The following KIF18A variants were observed in gnomAD, a reference collection of about 807,000 sequenced individuals.
The protein encoded by KIF18A is kinesin-like protein KIF18A.
In KIF18A, 67 loss-of-function variants were observed where a neutral mutation model predicts 103.3. That is an observed-to-expected ratio of 0.65 (90% CI 0.53 to 0.79). KIF18A has a LOEUF of 0.79. KIF18A is among the 30% of genes least tolerant of loss of function. KIF18A has a pLI of 0.00. For synonymous variants in KIF18A, 367 were observed against 355.5 expected (o/e 1.03, Z -0.36); for missense variants, 1,032 against 1,062.5 (o/e 0.97, Z 0.40).
At chr11:28,083,292 A>G in intron 7 of KIF18A, 49 bp from the exon 8 acceptor site, 1 of 1,498,954 alleles carries the variant, frequency 6.7e-7, no homozygotes, top group Non-Finnish European at 8.9e-7. Context: ...TAATAATCAC[A>G]GAGATAAATA....
intron 10 of KIF18A, among the ~76,000 whole-genome samples, chr11:28,076,092 C>T (rs1422984072): frequency 1.3e-5 from 2 of 151,818 alleles, no homozygotes; most frequent in Non-Finnish European, 2.9e-5. Flanking sequence ...GATAGGAGCT[C>T]TCATTTCTAA....
chr11:28,060,305 CGAG>C (rs1850842025), intron 12 of KIF18A, among the ~76,000 whole-genome samples: 1 of 152,094 alleles, frequency 6.6e-6, no homozygotes, highest in African/African-American at 2.4e-5. Context: ...CTCATAACAT[CGAG>C]GAGAAGAGAA....
chr11:28,044,400 G>A (rs1332004195), intron 13 of KIF18A, among the ~76,000 whole-genome samples: 2 of 152,016 alleles, frequency 1.3e-5, no homozygotes, highest in Non-Finnish European at 2.9e-5. Flanking sequence ...GTTTTCTGGA[G>A]ATAACTATAA....
chr11:28,060,360 G>A (rs1184629942), intron 12 of KIF18A, among the ~76,000 whole-genome samples: 1 of 152,010 alleles, frequency 6.6e-6, no homozygotes, highest in Non-Finnish European at 1.5e-5. Flanking sequence ...AGACTAATCG[G>A]GCATTCACTT....
intron 13 of KIF18A, among the ~76,000 whole-genome samples, chr11:28,043,913 CA>C (rs11357408): frequency 0.99 from 146,899 of 148,166 alleles, 72,828 homozygotes; most frequent in East Asian, 1. Flanking sequence ...AATAAATGAC[CA>C]AAAAAAAAAA....
chr11:28,078,485 T>A (rs999444759), intron 9 of KIF18A, among the ~76,000 whole-genome samples: 1 of 152,092 alleles, frequency 6.6e-6, no homozygotes. Flanking sequence ...GTTCACTGAT[T>A]AGGATGAAAG....
intron 13 of KIF18A, among the ~76,000 whole-genome samples, 194 bp downstream of exon 13, chr11:28,058,732 T>G (rs1850817961): frequency 6.9e-6 from 1 of 145,320 alleles, no homozygotes; most frequent in African/African-American, 2.5e-5. Context: ...GCTAGAGTTA[T>G]ATAGAACATC....
At chr11:28,071,455 A>G (rs1463434224) in intron 10 of KIF18A, among the ~76,000 whole-genome samples, 1 of 149,764 alleles carries the variant, frequency 6.7e-6, no homozygotes, top group East Asian at 1.9e-4. Context: ...ATTATTATTT[A>G]ACATTTAATT....
chr11:28,094,927 A>G, intron 2 of KIF18A, 127 bp from the exon 3 acceptor site: 1 of 855,196 alleles, frequency 1.2e-6, no homozygotes, highest in Non-Finnish European at 1.9e-6. Context: ...ATCCAAAATT[A>G]TAGTCTTATC....
At chr11:28,061,642 T>C (rs2133529568) in intron 12 of KIF18A, among the ~76,000 whole-genome samples, 1 of 152,170 alleles carries the variant, frequency 6.6e-6, no homozygotes, top group East Asian at 1.9e-4. Flanking sequence ...CTCCCTGAAG[T>C]TTTTCATTTT....
In KIF18A at chr11:28,058,919, T is replaced by A; in HGVS notation, c.1948+7A>T. The A allele has an allele frequency of 6.2e-7, 1 of 1,607,216 alleles. No homozygotes were observed. Among genetic ancestry groups the A allele is most frequent in the East Asian group, 2.2e-5 (1 of 44,800 alleles). On this transcript the variant is annotated splice_region_variant and intron_variant, in intron 13 of 16. Transcript: ENST00000263181. ...TACTATTTACTTAAAACGAAAGTTA[T>A]ACTTACAACAAGGAATAGGCTGAAC...
In KIF18A at chr11:28,040,479, A is replaced by C. The variant is rs551073094; in HGVS notation, c.1949-3815T>G. Among the ~76,000 whole-genome samples, 14 of 151,864 alleles carry C rather than the reference A, an allele frequency of 9.2e-5. No individual in the cohort carries two copies. The South Asian group carries it at 2.9e-3, about 31-fold the overall frequency. ...AAGTGATAAGAAGGAACTTGGAGGCAGATTATAATTCCTTCAGAAAGGCCC... is the reference window on the plus strand; with the variant it reads ...AAGTGATAAGAAGGAACTTGGAGGCCGATTATAATTCCTTCAGAAAGGCCC... On this transcript the variant is annotated intron_variant, in intron 13 of 16. Transcript: ENST00000263181.
rs189524778 is a variant in KIF18A at position 28,063,394 on chromosome 11, C to A, written c.1591-878G>T. Reference sequence around the variant, plus strand: ...TTTATATACATCCTCTCATAATCTCCTTTATCTTCTTGAATCTTTCTTCTT... The same window carrying A: ...TTTATATACATCCTCTCATAATCTCATTTATCTTCTTGAATCTTTCTTCTT... On this transcript the variant is annotated intron_variant, in intron 11 of 16. Transcript: ENST00000263181. 1.3e-4 allele frequency among the ~76,000 whole-genome samples: 20 copies of A among 152,088 alleles called. No homozygotes were observed. The East Asian group carries it at 3.7e-3, about 28-fold the overall frequency.
intron 1 of KIF18A, among the ~76,000 whole-genome samples, chr11:28,099,577 C>G (rs1211791913): frequency 6.6e-6 from 1 of 152,076 alleles, no homozygotes; most frequent in Non-Finnish European, 1.5e-5. Flanking sequence ...TATAAACTTA[C>G]ACATTTTTTT....
At chr11:28,077,363 T>C (rs1252173581) in intron 9 of KIF18A, among the ~76,000 whole-genome samples, 194 bp from the exon 10 acceptor site, 3 of 152,226 alleles carry the variant, frequency 2.0e-5, no homozygotes, top group Non-Finnish European at 2.9e-5. Context: ...ACTTTACTTA[T>C]ACTACATTAG....
intron 11 of KIF18A, among the ~76,000 whole-genome samples, chr11:28,066,826 A>T (rs931509566): frequency 7.6e-6 from 1 of 131,708 alleles, no homozygotes; most frequent in East Asian, 2.0e-4. Flanking sequence ...ATATTATATT[A>T]TATTATATGA....
intron 13 of KIF18A, among the ~76,000 whole-genome samples, chr11:28,039,502 C>T (rs1565072737): frequency 6.6e-6 from 1 of 151,714 alleles, no homozygotes; most frequent in Non-Finnish European, 1.5e-5. Context: ...AAAATACATA[C>T]TTAGCAGGTA....
intron 1 of KIF18A, among the ~76,000 whole-genome samples, chr11:28,104,468 A>G (rs75250088): frequency 1.2e-4 from 18 of 152,212 alleles, no homozygotes; most frequent in African/African-American, 3.9e-4. Context: ...GGCAGGCATT[A>G]CCTCCAGATA....
rs1428858868 is a variant in KIF18A, at chr11:28,088,825, TA to T, written c.700-105del. On this transcript the variant is annotated intron_variant, in intron 5 of 16. Transcript: ENST00000263181. ...CACAAAATCAAAATTATTTTCATTTTAAAAAACAACTGAACAAGGTATAATC... is the reference window on the plus strand; with the variant it reads ...CACAAAATCAAAATTATTTTCATTTTAAAAACAACTGAACAAGGTATAATC... The T allele has an allele frequency of 3.4e-6, 3 of 892,814 alleles. No homozygotes were observed. In the East Asian group the frequency reaches 8.0e-5, roughly 24 times the overall value. 55.3% of individuals were successfully genotyped at this position (892,814 alleles called of 1,614,324 possible).
Sources: allele counts gnomAD v4.1 joint callset (sites outside exome capture counted in the v4.1 genomes callset), GRCh38; gene constraint gnomAD v4.1.1; transcripts MANE v1.5; gene names NCBI Gene and HGNC (gene_info 2026-07-23, HGNC 2026-07-21).